ZYG11A: variants seen among roughly 807,000 people sequenced by gnomAD.
ZYG11A encodes zyg-11 family member A, cell cycle regulator, also known as protein zyg-11 homolog A.
In ZYG11A, 62 loss-of-function variants were observed where a neutral mutation model predicts 77.2. The ratio of observed to expected loss-of-function variants is 0.80; its 90% confidence interval spans 0.65 to 0.99. The LOEUF (loss-of-function observed/expected upper bound fraction) is 0.99. ZYG11A is among the 50% of genes least tolerant of loss of function. The pLI, the probability that ZYG11A is intolerant of heterozygous loss-of-function variation, is 0.00. For missense variants in ZYG11A, 828 were observed against 896.8 expected (o/e 0.92, Z 0.98); for synonymous variants, 315 against 324.6 (o/e 0.97, Z 0.32).
At chr1:52,879,958 G>A (rs1466108606) in intron 10 of ZYG11A, among the ~76,000 whole-genome samples, 1 of 150,596 alleles carries the variant, frequency 6.6e-6, no homozygotes, top group Non-Finnish European at 1.5e-5. Context: ...TAGAGACAGG[G>A]TTTCACCATG....
At chr1:52,859,968 G>C (rs963319235) in intron 3 of ZYG11A, among the ~76,000 whole-genome samples, 1 of 152,032 alleles carries the variant, frequency 6.6e-6, no homozygotes, top group Non-Finnish European at 1.5e-5. Context: ...CTGAGCCATT[G>C]TGCCCCGGCC....
rs1290183903 is a variant in ZYG11A at position 52,842,863 on chromosome 1, C to T, written c.-21C>T. 7.9e-5 allele frequency: 120 copies of T among 1,527,366 alleles called. No homozygotes were observed. The East Asian group carries it at 3.1e-3, about 40-fold the overall frequency. 94.6% of individuals were successfully genotyped at this position (1,527,366 alleles called of 1,614,324 possible). On this transcript the variant is annotated 5_prime_UTR_variant, in exon 1 of 14. The change creates a new upstream start codon in the 5' untranslated region. Coordinates refer to ENST00000371528, the MANE Select transcript of ZYG11A (RefSeq NM_001004339.3). Reference sequence around the variant, plus strand: ...GGCTCGACGCCGGCTCTCTTTTTGACGCCCCGCCGCCGGGGTTGCCATGGT... The same window carrying T: ...GGCTCGACGCCGGCTCTCTTTTTGATGCCCCGCCGCCGGGGTTGCCATGGT...
intron 8 of ZYG11A, among the ~76,000 whole-genome samples, chr1:52,875,850 CAATG>C (rs1646252156): frequency 7.0e-6 from 1 of 142,816 alleles, no homozygotes; most frequent in Non-Finnish European, 1.5e-5. Flanking sequence ...GTGTATTTCT[CAATG>C]AAAAAGATGA....
At chr1:52,862,559 G>A (rs912156125) in intron 4 of ZYG11A, among the ~76,000 whole-genome samples, 10 of 152,022 alleles carry the variant, frequency 6.6e-5, no homozygotes, top group East Asian at 3.9e-4. Context: ...TGATCCGCCC[G>A]CATTGGCCTC....
intron 10 of ZYG11A, chr1:52,881,134 TAGC>T: frequency 5.9e-6 from 1 of 168,770 alleles, no homozygotes; most frequent in African/African-American, 2.4e-5. Flanking sequence ...ATCCAGTTAT[TAGC>T]AGTATGAACT....
chr1:52,867,827 A>G, intron 8 of ZYG11A, 50 bp downstream of exon 8: 1 of 1,443,236 alleles, frequency 6.9e-7, no homozygotes, highest in South Asian at 1.3e-5. Flanking sequence ...AGTCAAATTT[A>G]TGATTATAGC....
chr1:52,856,479 T>C (rs1050813023), intron 2 of ZYG11A, among the ~76,000 whole-genome samples: 1 of 134,178 alleles, frequency 7.5e-6, no homozygotes, highest in Non-Finnish European at 1.6e-5. Flanking sequence ...AAAAAAAAAA[T>C]ATGTGTAGTA....
chr1:52,846,180 C>G (rs1645573495), intron 1 of ZYG11A, among the ~76,000 whole-genome samples: 2 of 151,256 alleles, frequency 1.3e-5, no homozygotes, highest in African/African-American at 4.9e-5. Flanking sequence ...GTGTGGACCC[C>G]AGGACCTCCA....
intron 8 of ZYG11A, among the ~76,000 whole-genome samples, chr1:52,872,734 T>G (rs1395495489): frequency 6.6e-6 from 1 of 150,556 alleles, no homozygotes; most frequent in Non-Finnish European, 1.5e-5. Context: ...TACAAAAAAA[T>G]TAGCCCGGCA....
chr1:52,883,790 T>C (rs774090302), intron 11 of ZYG11A, among the ~76,000 whole-genome samples: 6 of 152,068 alleles, frequency 3.9e-5, no homozygotes, highest in Non-Finnish European at 8.8e-5. Flanking sequence ...TTTTTCCTAT[T>C]TATTTTGTTC....
intron 1 of ZYG11A, among the ~76,000 whole-genome samples, chr1:52,843,464 C>A (rs1645493117): frequency 6.6e-6 from 1 of 152,196 alleles, no homozygotes; most frequent in Non-Finnish European, 1.5e-5. Flanking sequence ...CCGTTACCAC[C>A]TGAGGCCTTT....
intron 10 of ZYG11A, among the ~76,000 whole-genome samples, chr1:52,880,635 A>G (rs1646347860): frequency 6.6e-6 from 1 of 152,194 alleles, no homozygotes; most frequent in Non-Finnish European, 1.5e-5. Flanking sequence ...CTGGCCCTGA[A>G]GGAGCAAACA....
intron 8 of ZYG11A, among the ~76,000 whole-genome samples, chr1:52,873,352 G>T (rs1490374379): frequency 6.6e-6 from 1 of 152,058 alleles, no homozygotes; most frequent in African/African-American, 2.4e-5. Context: ...CTTGGGAGGA[G>T]GTCAAAATAT....
chr1:52,875,502 G>A (rs1646245423), intron 8 of ZYG11A, among the ~76,000 whole-genome samples: 1 of 152,216 alleles, frequency 6.6e-6, no homozygotes, highest in Non-Finnish European at 1.5e-5. Context: ...CAGAAATTGA[G>A]TTTAGAGTAG....
At chr1:52,850,027 GT>G (rs1169620432) in intron 1 of ZYG11A, among the ~76,000 whole-genome samples, 1 of 152,190 alleles carries the variant, frequency 6.6e-6, no homozygotes, top group African/African-American at 2.4e-5. Flanking sequence ...TGGTTAAGAA[GT>G]GCCTTAATTG....
chr1:52,843,779 G>A (rs1032728931), intron 1 of ZYG11A, among the ~76,000 whole-genome samples: 11 of 148,140 alleles, frequency 7.4e-5, no homozygotes, highest in African/African-American at 2.5e-4. Flanking sequence ...CTCCGCCTCC[G>A]GGGTTCAAGC....
chr1:52,868,027 C>G (rs1418225302), intron 8 of ZYG11A, among the ~76,000 whole-genome samples: 2 of 118,004 alleles, frequency 1.7e-5, no homozygotes, highest in Non-Finnish European at 3.2e-5. Context: ...AGTGCAGTGG[C>G]GCGATCTCGG....
chr1:52,858,864 C>G (rs1308591752), intron 3 of ZYG11A, among the ~76,000 whole-genome samples: 1 of 152,054 alleles, frequency 6.6e-6, no homozygotes, highest in Non-Finnish European at 1.5e-5. Context: ...ATCCACCTGC[C>G]TTGGGCTCCC....
chr1:52,874,700 C>A (rs1646231462), intron 8 of ZYG11A, among the ~76,000 whole-genome samples: 1 of 152,076 alleles, frequency 6.6e-6, no homozygotes, highest in South Asian at 2.1e-4. Flanking sequence ...AACCCCATCT[C>A]TACTAAAAAT....
Sources: gnomAD v4.1 joint callset for allele counts (sites outside exome capture counted in the v4.1 genomes callset) on GRCh38, gnomAD v4.1.1 for gene constraint, MANE v1.5 for transcripts, NCBI Gene and HGNC (gene_info 2026-07-23, HGNC 2026-07-21) for gene names.